The following EFNB2 variants were observed in gnomAD, a reference collection of about 807,000 sequenced individuals.
EFNB2 encodes ephrin-B2.
Under a neutral mutation model 32.1 loss-of-function variants are expected in EFNB2, and 5 were observed. The ratio of observed to expected loss-of-function variants is 0.16; its 90% CI spans 0.08 to 0.33. The LOEUF is 0.33. Ranked by LOEUF, EFNB2 falls within the 10% of genes least tolerant of loss-of-function variation. The pLI is 1.00. For synonymous variants in EFNB2, 168 were observed against 166.5 expected, an observed-to-expected ratio of 1.01 and a Z score of -0.07; for missense variants, 263 against 422.6, an observed-to-expected ratio of 0.62 and a Z score of 3.31.
intron 3 of EFNB2, 60 bp downstream of exon 3, chr13:106,495,688 A>G (rs1333650736): frequency 1.3e-6 from 2 of 1,532,368 alleles, no homozygotes; most frequent in Non-Finnish European, 1.8e-6. Flanking sequence ...CATTAGCACC[A>G]TACTAGCTGG....
intron 1 of EFNB2, among the ~76,000 whole-genome samples, chr13:106,532,056 T>TAA (rs992403515): frequency 3.3e-4 from 31 of 92,616 alleles, no homozygotes; most frequent in African/African-American, 1.3e-3. Flanking sequence ...TCTGCTGAAT[T>TAA]AAAAAAAAAA....
At chr13:106,524,909 G>C (rs1215623148) in intron 1 of EFNB2, among the ~76,000 whole-genome samples, 1 of 152,220 alleles carries the variant, frequency 6.6e-6, no homozygotes, top group African/African-American at 2.4e-5. Context: ...GGAATGAGTA[G>C]AAGTTTGGCA....
At chr13:106,526,361 C>G (rs1879698715) in intron 1 of EFNB2, among the ~76,000 whole-genome samples, 1 of 152,144 alleles carries the variant, frequency 6.6e-6, no homozygotes, top group African/African-American at 2.4e-5. Flanking sequence ...GTGTCCCTGA[C>G]TTTTAGGACA....
At chr13:106,516,663 G>C (rs763756286) in intron 1 of EFNB2, 1 of 152,190 alleles carries the variant, frequency 6.6e-6, no homozygotes, top group Non-Finnish European at 1.5e-5. Flanking sequence ...ATCAAGACAC[G>C]CACATGTGAG....
intron 2 of EFNB2, among the ~76,000 whole-genome samples, chr13:106,502,695 T>C (rs920203923): frequency 1.3e-5 from 2 of 152,184 alleles, no homozygotes; most frequent in African/African-American, 4.8e-5. Flanking sequence ...AGAAATTCTA[T>C]CACAGCTTTC....
chr13:106,524,740 A>G (rs1193193414), intron 1 of EFNB2, among the ~76,000 whole-genome samples: 1 of 152,228 alleles, frequency 6.6e-6, no homozygotes, highest in Non-Finnish European at 1.5e-5. Flanking sequence ...ATGAATTCAA[A>G]GAGCCTCCTC....
intron 2 of EFNB2, among the ~76,000 whole-genome samples, chr13:106,510,441 C>G (rs1879103371): frequency 6.6e-6 from 1 of 152,176 alleles, no homozygotes; most frequent in Non-Finnish European, 1.5e-5. Context: ...TTAGAATTTG[C>G]AAAGCATTCT....
At chr13:106,505,682 A>G (rs1173710257) in intron 2 of EFNB2, among the ~76,000 whole-genome samples, 1 of 152,208 alleles carries the variant, frequency 6.6e-6, no homozygotes, top group Non-Finnish European at 1.5e-5. Context: ...ATGAATGTTT[A>G]AAGGTTATTA....
At chr13:106,527,489 G>A (rs748747423) in intron 1 of EFNB2, among the ~76,000 whole-genome samples, 5 of 152,054 alleles carry the variant, frequency 3.3e-5, no homozygotes, top group Non-Finnish European at 7.4e-5. Context: ...AATTACTAAG[G>A]GCAGAAACAA....
intron 1 of EFNB2, among the ~76,000 whole-genome samples, chr13:106,521,851 G>C (rs1314654567): frequency 1.3e-5 from 2 of 150,960 alleles, no homozygotes; most frequent in East Asian, 3.9e-4. Flanking sequence ...ATTCACAGAA[G>C]GGCATACCTA....
At chr13:106,512,193 C>T (rs1004151598) in intron 2 of EFNB2, among the ~76,000 whole-genome samples, 8 of 151,920 alleles carry the variant, frequency 5.3e-5, no homozygotes, top group Non-Finnish European at 1.2e-4. Flanking sequence ...AGGCAATGCA[C>T]AAGATTTACC....
At chr13:106,501,639 C>G (rs190431912) in intron 2 of EFNB2, among the ~76,000 whole-genome samples, 7 of 151,480 alleles carry the variant, frequency 4.6e-5, no homozygotes, top group African/African-American at 1.7e-4. Flanking sequence ...GTCACCCAGG[C>G]TGGAGTGCAG....
intron 1 of EFNB2, among the ~76,000 whole-genome samples, chr13:106,528,569 G>A (rs1365729236): frequency 6.6e-6 from 1 of 152,056 alleles, no homozygotes; most frequent in Non-Finnish European, 1.5e-5. Context: ...CAGGGTGTTT[G>A]CAGCCTTTGG....
At chr13:106,495,278 G>A (rs1400558499) in intron 3 of EFNB2, among the ~76,000 whole-genome samples, 1 of 152,156 alleles carries the variant, frequency 6.6e-6, no homozygotes, top group Non-Finnish European at 1.5e-5. Flanking sequence ...CAAGTTGATT[G>A]ACTACTATAC....
At chr13:106,494,137 A>G (rs1015352741) in intron 4 of EFNB2, among the ~76,000 whole-genome samples, 1 of 152,240 alleles carries the variant, frequency 6.6e-6, no homozygotes, top group Non-Finnish European at 1.5e-5. Context: ...AGAAATAACA[A>G]CTTCCCTCCT....
At chr13:106,523,111 G>T (rs975639818) in intron 1 of EFNB2, among the ~76,000 whole-genome samples, 1 of 152,130 alleles carries the variant, frequency 6.6e-6, no homozygotes, top group Non-Finnish European at 1.5e-5. Flanking sequence ...GGTCTGCTGT[G>T]GGCGTATGAC....
chr13:106,527,321 T>G (rs1014748512), intron 1 of EFNB2, among the ~76,000 whole-genome samples: 1 of 151,286 alleles, frequency 6.6e-6, no homozygotes, highest in African/African-American at 2.4e-5. Context: ...ATAAATAAAT[T>G]AAGTATGGCA....
At chr13:106,515,267 C>A (rs1039858701) in intron 1 of EFNB2, among the ~76,000 whole-genome samples, 1 of 152,126 alleles carries the variant, frequency 6.6e-6, no homozygotes, top group Non-Finnish European at 1.5e-5. Context: ...TTTAATGAGC[C>A]TTTTAATTCA....
rs747989071 is a variant in EFNB2, at chr13:106,490,463, T to C, written c.*2577A>G. ...AACAGACGCACAGAACACTTTTCAA[T>C]TGGTTGCAGGGAACTCTTTTATCAA... On this transcript the variant is annotated 3_prime_UTR_variant, in exon 5 of 5. Coordinates refer to ENST00000646441, the MANE Select transcript of EFNB2 (RefSeq NM_004093.4). 5 of 152,228 alleles carry C rather than the reference T, an allele frequency of 3.3e-5. No individual in the cohort carries two copies. Among genetic ancestry groups the C allele is most frequent in the Non-Finnish European group, 5.9e-5 (4 of 68,032 alleles). 9.4% of individuals were successfully genotyped at this position (152,228 alleles called of 1,614,324 possible).
Sources: gnomAD v4.1 joint callset for allele counts (sites outside exome capture counted in the v4.1 genomes callset) on GRCh38, gnomAD v4.1.1 for gene constraint, MANE v1.5 for transcripts, NCBI Gene and HGNC (gene_info 2026-07-23, HGNC 2026-07-21) for gene names.